Variants in RBMS1 observed in about 807,000 individuals in gnomAD.
RBMS1 encodes RNA binding motif single stranded interacting protein 1, also known as RNA-binding motif, single-stranded-interacting protein 1.
A neutral mutation model predicts 62.3 loss-of-function variants in RBMS1; 17 were observed. The ratio of observed to expected loss-of-function variants is 0.27; its 90% CI spans 0.19 to 0.41. RBMS1 has a LOEUF of 0.41. Ranked by LOEUF, RBMS1 falls within the 10% of genes least tolerant of loss-of-function variation. The pLI is 1.00. For synonymous variants in RBMS1, 172 were observed against 170.0 expected, an observed-to-expected ratio of 1.01 and a Z score of -0.09; for missense variants, 334 against 504.5, an observed-to-expected ratio of 0.66 and a Z score of 3.24.
intron 11 of RBMS1, 140 bp from the exon 12 acceptor site, chr2:160,277,523 T>G: frequency 1.9e-6 from 1 of 529,300 alleles, no homozygotes; most frequent in Non-Finnish European, 3.4e-6. Context: ...AAAGCTTAAA[T>G]AGTGCATATA....
intron 1 of RBMS1, among the ~76,000 whole-genome samples, chr2:160,450,159 C>T (rs1045331088): frequency 6.6e-6 from 1 of 152,200 alleles, no homozygotes; most frequent in Non-Finnish European, 1.5e-5. Flanking sequence ...ACAGAGGAAA[C>T]ACTCTTTTTG....
At position 160,278,541 on chromosome 2, in the gene RBMS1, C is replaced by G; in HGVS notation, c.1062+7G>C. 1 of 1,606,184 alleles carries G rather than the reference C, an allele frequency of 6.2e-7. No homozygotes were observed. Among genetic ancestry groups the G allele is most frequent in the Non-Finnish European group, 8.5e-7 (1 of 1,173,624 alleles). On this transcript the variant is annotated splice_region_variant and intron_variant, in intron 11 of 13. Transcript: ENST00000348849. ...ACAGAGACACATGATAATTATTTGC[C>G]ACCTACTGTTCCGGTGCTGCCTAGT...
intron 4 of RBMS1, among the ~76,000 whole-genome samples, chr2:160,311,977 T>C (rs1689948071): frequency 6.6e-6 from 1 of 152,214 alleles, no homozygotes; most frequent in Non-Finnish European, 1.5e-5. Flanking sequence ...CATAATGGAA[T>C]GTGTATTATA....
intron 1 of RBMS1, among the ~76,000 whole-genome samples, chr2:160,474,639 TAAACA>T (rs948018512): frequency 3.3e-5 from 5 of 152,172 alleles, no homozygotes; most frequent in African/African-American, 1.2e-4. Context: ...TTTACCACAA[TAAACA>T]AAACAAAACT....
At position 160,483,629 on chromosome 2, in the gene RBMS1, G is replaced by A. The variant is rs79194703; in HGVS notation, c.75+9660C>T. 4.8e-4 allele frequency among the ~76,000 whole-genome samples: 73 copies of A among 152,230 alleles called. No homozygotes were observed. In the East Asian group the frequency reaches 0.012, roughly 25 times the overall value. ...TCAGACCCACTTGGTCCCTGATTCCGGCAGATGGAGTGGGAGTAGCTTATA... is the reference window on the plus strand; with the variant it reads ...TCAGACCCACTTGGTCCCTGATTCCAGCAGATGGAGTGGGAGTAGCTTATA... On this transcript the variant is annotated intron_variant, in intron 1 of 13. Transcript: ENST00000348849.
intron 1 of RBMS1, among the ~76,000 whole-genome samples, chr2:160,447,877 C>T (rs1435848213): frequency 1.3e-5 from 2 of 152,220 alleles, no homozygotes; most frequent in Admixed American, 6.5e-5. Flanking sequence ...GGGGAAGATG[C>T]AGCCATCTCC....
At chr2:160,397,312 T>C (rs1695200161) in intron 1 of RBMS1, among the ~76,000 whole-genome samples, 1 of 152,096 alleles carries the variant, frequency 6.6e-6, no homozygotes, top group South Asian at 2.1e-4. Flanking sequence ...CTCGCCTCCT[T>C]ACTGAATCCT....
chr2:160,369,133 T>C (rs928676823), intron 1 of RBMS1, among the ~76,000 whole-genome samples: 1 of 152,196 alleles, frequency 6.6e-6, no homozygotes, highest in Non-Finnish European at 1.5e-5. Context: ...AAGGCTGAAC[T>C]TGAACTGGGA....
rs944093443 is a variant in RBMS1, at chr2:160,492,988, G to A, written c.75+301C>T. On this transcript the variant is annotated intron_variant, in intron 1 of 13. Transcript: ENST00000348849. ...CCGGCCAGCCAGGGCTCGGCGAGGG[G>A]CGCCGCTCGACCCCACGACCCTCCC... 5 of 316,078 alleles carry A rather than the reference G, an allele frequency of 1.6e-5. No homozygotes were observed. In the Admixed American group the frequency reaches 2.6e-4, roughly 16 times the overall value. 19.6% of individuals were successfully genotyped at this position (316,078 alleles called of 1,614,324 possible). A position where few individuals can be genotyped will look rare whatever the true frequency, so the allele number is the denominator to read the frequency against.
In RBMS1 at chr2:160,367,390, T is replaced by G. The variant is rs201342056; in HGVS notation, c.77A>C (p.Gln26Pro). The change falls in exon 2 of 14, where the codon CAG becomes CCG. Residue 26 changes from glutamine to proline, a missense_variant and splice_region_variant. Gln to Pro is a moderately conservative substitution (Grantham distance 76). Transcript: ENST00000348849. ...YYYPQYLQAK[Q>P]SLVPAHPMAP... ...CATGGGGTGGGCTGGGACCAGAGAC[T>G]GCTGGAAAACAAAGATCAGGAGCCT... 5.4e-5 allele frequency: 87 copies of G among 1,613,938 alleles called. No individual in the cohort carries two copies. Among genetic ancestry groups the G allele is most frequent in the Non-Finnish European group, 6.9e-5 (81 of 1,179,960 alleles).
intron 1 of RBMS1, among the ~76,000 whole-genome samples, chr2:160,426,293 A>T (rs377312807): frequency 1.7e-5 from 1 of 60,344 alleles, no homozygotes; most frequent in Admixed American, 2.1e-4. Flanking sequence ...AAGAAAGAAA[A>T]GAAAGAAGGA....
chr2:160,333,315 A>G (rs1404172914), intron 2 of RBMS1, among the ~76,000 whole-genome samples: 1 of 152,224 alleles, frequency 6.6e-6, no homozygotes, highest in Non-Finnish European at 1.5e-5. Context: ...GTGTTGTAGA[A>G]TGGAGGTACA....
At chr2:160,439,188 G>C (rs1191242976) in intron 1 of RBMS1, among the ~76,000 whole-genome samples, 6 of 151,088 alleles carry the variant, frequency 4.0e-5, no homozygotes, top group Non-Finnish European at 8.9e-5. Context: ...TGGCCGGACG[G>C]GGGGCTGACC....
rs541281325 is a variant in RBMS1 at position 160,404,685 on chromosome 2, C to G, written c.76-37294G>C. ...GACTGTATATGTAAAATGTAGAAAG[C>G]TTTAAGAGTTGTACAATCATTCAGT... On this transcript the variant is annotated intron_variant, in intron 1 of 13. Transcript: ENST00000348849. 1.1e-4 allele frequency among the ~76,000 whole-genome samples: 17 copies of G among 152,268 alleles called. No individual in the cohort carries two copies. In the South Asian group the frequency reaches 2.5e-3, roughly 22 times the overall value.
In RBMS1 at chr2:160,457,616, G is replaced by A. The variant is rs559706948; in HGVS notation, c.75+35673C>T. 8.5e-5 allele frequency among the ~76,000 whole-genome samples: 13 copies of A among 152,318 alleles called. 1 individual carries two copies. Among genetic ancestry groups the A allele is most frequent in the Non-Finnish European group, 1.6e-4 (11 of 68,036 alleles). ...AATTTGCTTTATGTATTTGCTGTAT[G>A]GCAAGTATTGGATAATATTACAGAT... On this transcript the variant is annotated intron_variant, in intron 1 of 13. Transcript: ENST00000348849.
At chr2:160,448,822 C>T (rs148677998) in intron 1 of RBMS1, among the ~76,000 whole-genome samples, 39,627 of 150,806 alleles carry the variant, frequency 0.26, 6,039 homozygotes, top group East Asian at 0.59. Flanking sequence ...CGCCTCTTCC[C>T]GGCCGCCATC....
chr2:160,460,089 GGT>G (rs1193703320), intron 1 of RBMS1, among the ~76,000 whole-genome samples: 1 of 152,202 alleles, frequency 6.6e-6, no homozygotes, highest in Non-Finnish European at 1.5e-5. Flanking sequence ...CCCTGAAGCA[GGT>G]GATGGCTCCA....
At chr2:160,402,945 A>G (rs1695513600) in intron 1 of RBMS1, among the ~76,000 whole-genome samples, 1 of 152,248 alleles carries the variant, frequency 6.6e-6, no homozygotes, top group Non-Finnish European at 1.5e-5. Context: ...CCTCCTAAGA[A>G]AGGTCTCAAA....
At chr2:160,392,611 G>C (rs1031294209) in intron 1 of RBMS1, among the ~76,000 whole-genome samples, 1 of 152,066 alleles carries the variant, frequency 6.6e-6, no homozygotes, top group East Asian at 1.9e-4. Context: ...CATTTCACTA[G>C]AGAACAATAA....
Sources: gnomAD v4.1 joint callset for allele counts (sites outside exome capture counted in the v4.1 genomes callset) on GRCh38, gnomAD v4.1.1 for gene constraint, MANE v1.5 for transcripts, NCBI Gene and HGNC (gene_info 2026-07-23, HGNC 2026-07-21) for gene names.